The following SNTG1 variants were observed in gnomAD, a reference collection of about 807,000 sequenced individuals.
The protein encoded by SNTG1 is syntrophin gamma 1.
SNTG1 carries 39 observed loss-of-function variants against 74.7 expected under a neutral mutation model. The observed-to-expected ratio is 0.52, with a 90% confidence interval of 0.40 to 0.68. SNTG1 has a LOEUF of 0.68. Among genes scored for constraint, SNTG1 ranks in the 30% least tolerant of loss-of-function variants. The pLI, the probability that SNTG1 is intolerant of heterozygous loss-of-function variation, is 0.00. For synonymous variants in SNTG1, 254 were observed against 217.1 expected, an observed-to-expected ratio of 1.17 and a Z score of -1.49; for missense variants, 685 against 609.5, an observed-to-expected ratio of 1.12 and a Z score of -1.30.
chr8:50,110,021 G>C (rs59032553), intron 1 of SNTG1, among the ~76,000 whole-genome samples: 8 of 152,066 alleles, frequency 5.3e-5, no homozygotes, highest in African/African-American at 1.9e-4. Context: ...CTGTTGATAC[G>C]CATGTGCAAA....
chr8:50,099,897 A>G (rs527278323), intron 1 of SNTG1, among the ~76,000 whole-genome samples: 1 of 152,158 alleles, frequency 6.6e-6, no homozygotes, highest in South Asian at 2.1e-4. Context: ...TTGTTGGATG[A>G]AAGATTTGCA....
At position 50,008,090 on chromosome 8, in the gene SNTG1, A is replaced by T. The variant is rs1815419257; in HGVS notation, c.-103+95859A>T. Among the ~76,000 whole-genome samples, 3 of 152,274 alleles carry T rather than the reference A, an allele frequency of 2.0e-5. No homozygotes were observed. In the South Asian group the frequency reaches 6.2e-4, roughly 32 times the overall value. On this transcript the variant is annotated intron_variant, in intron 1 of 18. Coordinates refer to ENST00000642720, the MANE Select transcript of SNTG1 (RefSeq NM_018967.5). ...CATGGTAATTACAATTCAAGATGAG[A>T]TTTGAGTGGGGACACAGAGCCAAAT... is the stretch of plus-strand genomic sequence containing the variant.
chr8:50,502,557 C>T lies in SNTG1; in HGVS notation c.364-221C>T, dbSNP rs150587500. 1.5e-3 allele frequency among the ~76,000 whole-genome samples: 235 copies of T among 152,206 alleles called. 1 individual carries two copies. Among genetic ancestry groups the T allele is most frequent in the African/African-American group, 5.4e-3 (225 of 41,536 alleles). ...TCAACAAGTATGAATGGAAGATTCA[C>T]GTTGTGTATAAACAGGTGATCACAG... On this transcript the variant is annotated intron_variant, in intron 8 of 18. Transcript: ENST00000642720.
At chr8:50,544,327 T>G (rs953380528) in intron 11 of SNTG1, among the ~76,000 whole-genome samples, 1 of 152,052 alleles carries the variant, frequency 6.6e-6, no homozygotes, top group Non-Finnish European at 1.5e-5. Flanking sequence ...GGCATATTTT[T>G]GATATACTTA....
chr8:50,598,714 A>G (rs1168064261), intron 13 of SNTG1, among the ~76,000 whole-genome samples: 1 of 152,026 alleles, frequency 6.6e-6, no homozygotes, highest in East Asian at 1.9e-4. Flanking sequence ...ATGAACACAG[A>G]CTACCTTTCT....
rs1012655948 is a variant in SNTG1 at position 50,313,342 on chromosome 8, G to T, written c.-27-80870G>T. The stretch of plus-strand genomic sequence containing the variant: ...GGTTTCATCAAACTAGAAAGCTTCC[G>T]CACTGCAAAGGAAACAATTTAACAG... On this transcript the variant is annotated intron_variant, in intron 2 of 18. Coordinates refer to ENST00000642720, the MANE Select transcript of SNTG1 (RefSeq NM_018967.5). 1.9e-4 allele frequency among the ~76,000 whole-genome samples: 28 copies of T among 149,718 alleles called. 2 individuals are homozygous for T. Among genetic ancestry groups the T allele is most frequent in the Middle Eastern group, 6.8e-3 (2 of 294 alleles).
intron 2 of SNTG1, among the ~76,000 whole-genome samples, chr8:50,306,600 T>C (rs2089908268): frequency 6.6e-6 from 1 of 151,984 alleles, no homozygotes; most frequent in Non-Finnish European, 1.5e-5. Flanking sequence ...CTGGTACGAG[T>C]AAGGTGGTAT....
intron 5 of SNTG1, among the ~76,000 whole-genome samples, chr8:50,444,437 A>T (rs2093386670): frequency 6.6e-6 from 1 of 152,128 alleles, no homozygotes; most frequent in Non-Finnish European, 1.5e-5. Flanking sequence ...GACAAAATGA[A>T]TATGTCCATT....
intron 1 of SNTG1, among the ~76,000 whole-genome samples, chr8:49,991,825 G>T (rs1436459809): frequency 1.3e-5 from 2 of 152,160 alleles, no homozygotes; most frequent in East Asian, 1.9e-4. Flanking sequence ...GGGTGTGAAT[G>T]CTTGTGAGTA....
chr8:49,957,651 G>A (rs1443253390), intron 1 of SNTG1, among the ~76,000 whole-genome samples: 1 of 152,194 alleles, frequency 6.6e-6, no homozygotes, highest in Non-Finnish European at 1.5e-5. Context: ...AAACTGGAAT[G>A]TCATTCAGTC....
chr8:50,631,346 A>G (rs80174413), intron 13 of SNTG1, among the ~76,000 whole-genome samples: 6,562 of 152,308 alleles, frequency 0.043, 248 homozygotes, highest in African/African-American at 0.095. Flanking sequence ...CAATTTTTGG[A>G]ACACCATTTC....
chr8:50,632,285 TTTTATTTATTTATTTATTTATTTA>T (rs745874673), intron 13 of SNTG1, among the ~76,000 whole-genome samples: 3 of 134,362 alleles, frequency 2.2e-5, no homozygotes, highest in Non-Finnish European at 4.5e-5. Context: ...GTCTTTTTAA[TTTTATTTATTTATTTATTTATTTA>T]TTTATTTATT....
intron 17 of SNTG1, among the ~76,000 whole-genome samples, chr8:50,726,246 A>T (rs1351907616): frequency 6.6e-6 from 1 of 152,244 alleles, no homozygotes; most frequent in African/African-American, 2.4e-5. Context: ...ATTTCTAAAA[A>T]TTAATAAATA....
chr8:50,536,849 A>G, intron 11 of SNTG1, 41 bp downstream of exon 11: 8 of 1,603,820 alleles, frequency 5.0e-6, no homozygotes, highest in Non-Finnish European at 6.8e-6. Flanking sequence ...TTGTTTATGA[A>G]AAAAGAGACC....
At chr8:50,733,837 A>G (rs1362089868) in intron 17 of SNTG1, among the ~76,000 whole-genome samples, 3 of 151,852 alleles carry the variant, frequency 2.0e-5, no homozygotes, top group East Asian at 3.9e-4. Context: ...TTTATACTAT[A>G]TAGCATTATG....
intron 1 of SNTG1, among the ~76,000 whole-genome samples, chr8:50,077,949 G>C (rs1359510979): frequency 2.6e-5 from 4 of 152,056 alleles, no homozygotes; most frequent in Non-Finnish European, 5.9e-5. Flanking sequence ...GCCTAAATGT[G>C]TGATGTGTGT....
At chr8:50,068,221 G>A (rs1821059206) in intron 1 of SNTG1, among the ~76,000 whole-genome samples, 1 of 152,126 alleles carries the variant, frequency 6.6e-6, no homozygotes, top group Non-Finnish European at 1.5e-5. Context: ...ACCTCTGTGG[G>A]ATTAGCGGGC....
intron 1 of SNTG1, among the ~76,000 whole-genome samples, chr8:50,071,241 C>T (rs1367753512): frequency 6.6e-6 from 1 of 152,054 alleles, no homozygotes; most frequent in African/African-American, 2.4e-5. Flanking sequence ...CTCTGTCACC[C>T]AGGTCGGAGT....
rs940570958 is a variant in SNTG1, at chr8:50,331,037, A to T, written c.-27-63175A>T. ...GCTTCTCTACAGGTAATATTTTTCT[A>T]GCTATTTTCCAAAATGTGTTTCTAT... On this transcript the variant is annotated intron_variant, in intron 2 of 18. Transcript: ENST00000642720. Among the ~76,000 whole-genome samples the T allele has an allele frequency of 5.9e-5, 9 of 152,330 alleles. No homozygotes were observed. The East Asian group carries it at 1.7e-3, about 29-fold the overall frequency.
Sources: gnomAD v4.1 joint callset for allele counts (sites outside exome capture counted in the v4.1 genomes callset) on GRCh38, gnomAD v4.1.1 for gene constraint, MANE v1.5 for transcripts, NCBI Gene and HGNC (gene_info 2026-07-23, HGNC 2026-07-21) for gene names.